The following FAM228B variants were observed in gnomAD, a reference collection of about 807,000 sequenced individuals.
The protein encoded by FAM228B is protein FAM228B.
In FAM228B, 38 loss-of-function variants were observed where a neutral mutation model predicts 42.6. The observed-to-expected ratio is 0.89, with a 90% CI of 0.69 to 1.17. The LOEUF is 1.17. Among genes scored for constraint, FAM228B ranks in the 50% most tolerant of loss-of-function variants. FAM228B has a pLI of 0.00. For missense variants in FAM228B, 344 were observed against 367.3 expected, an observed-to-expected ratio of 0.94 and a Z score of 0.52; for synonymous variants, 109 against 122.3, an observed-to-expected ratio of 0.89 and a Z score of 0.72.
chr2:24,086,264 A>G (rs1408073001), intron 2 of FAM228B, among the ~76,000 whole-genome samples: 1 of 151,780 alleles, frequency 6.6e-6, no homozygotes, highest in Non-Finnish European at 1.5e-5. Context: ...GAATTTTAGA[A>G]GGAGGAAGAG....
chr2:24,089,620 G>C (rs1203069376), intron 2 of FAM228B, among the ~76,000 whole-genome samples: 1 of 152,034 alleles, frequency 6.6e-6, no homozygotes, highest in Non-Finnish European at 1.5e-5. Context: ...GCTTGTCCCT[G>C]AGTGAGAAAT....
chr2:24,147,323 TG>T (rs1229222206), intron 7 of FAM228B, among the ~76,000 whole-genome samples: 1 of 152,118 alleles, frequency 6.6e-6, no homozygotes, highest in Non-Finnish European at 1.5e-5. Context: ...TGTTTCTCTT[TG>T]GTTTTCATTA....
chr2:24,157,096 G>A (rs1256781208), intron 7 of FAM228B, among the ~76,000 whole-genome samples: 1 of 152,178 alleles, frequency 6.6e-6, no homozygotes, highest in Non-Finnish European at 1.5e-5. Context: ...TGATTACTCA[G>A]GAGCAGGCTA....
chr2:24,153,567 T>C (rs969551759), intron 7 of FAM228B, among the ~76,000 whole-genome samples: 1 of 152,200 alleles, frequency 6.6e-6, no homozygotes, highest in Non-Finnish European at 1.5e-5. Flanking sequence ...GTATCCGAGA[T>C]GCAGGACAAA....
rs1293406586 is a variant in FAM228B at position 24,077,248 on chromosome 2, G to A, written c.-290+279G>A. 1.3e-5 allele frequency among the ~76,000 whole-genome samples: 2 copies of A among 152,058 alleles called. No individual in the cohort carries two copies. The highest frequency in any genetic ancestry group is 2.9e-5 in the Non-Finnish European group (2 of 68,002). On this transcript the variant is annotated intron_variant, in intron 1 of 10. Coordinates refer to the FAM228B transcript ENST00000613899. This position sits in a 1 kb window ranked among gnomAD's most constrained non-coding sequence, Gnocchi z 5.5. ...GCCTGGGCCTCTAGCTGTGCGCAAGGCGGAATATGTGGGGTTCTGGCGGCT... is the reference window on the plus strand; with the variant it reads ...GCCTGGGCCTCTAGCTGTGCGCAAGACGGAATATGTGGGGTTCTGGCGGCT...
intron 2 of FAM228B, among the ~76,000 whole-genome samples, chr2:24,124,918 T>C (rs567373077): frequency 1.7e-4 from 26 of 152,294 alleles, no homozygotes; most frequent in African/African-American, 6.3e-4. Context: ...CCTAGGCTGG[T>C]CCCCAACTCC....
chr2:24,088,818 G>T (rs1665319941), intron 2 of FAM228B, among the ~76,000 whole-genome samples: 1 of 152,194 alleles, frequency 6.6e-6, no homozygotes, highest in Admixed American at 6.5e-5. Context: ...ATCTTTAATG[G>T]GGGCAACCTT....
chr2:24,082,919 G>T, intron 2 of FAM228B: 1 of 1,612,436 alleles, frequency 6.2e-7, no homozygotes. Flanking sequence ...CGGTGAGCCA[G>T]GCCTCTGGGA....
upstream of FAM228B, chr2:24,122,719 G>A (rs1666160603): frequency 4.1e-6 from 2 of 488,638 alleles, no homozygotes; most frequent in South Asian, 3.9e-5. Context: ...TACCCAAAGA[G>A]GAAAACAGAA....
At chr2:24,112,515 T>C (rs1665814951) in intron 3 of FAM228B, among the ~76,000 whole-genome samples, 1 of 152,134 alleles carries the variant, frequency 6.6e-6, no homozygotes, top group Non-Finnish European at 1.5e-5. Flanking sequence ...TTGGCCAGTC[T>C]GGTCTCAAAC....
Position 24,169,227 on chromosome 2 carries a change from G to A in FAM228B, c.*15-129G>A, listed in dbSNP as rs1022445201. The stretch of plus-strand genomic sequence containing the variant: ...TAGGTGGAGACCCTGCCTGAGAGAT[G>A]AGTCACTCGGCTCTGGCAGGACAGG... On this transcript the variant is annotated intron_variant, in intron 10 of 10. Coordinates refer to ENST00000615575, the MANE Select transcript of FAM228B (RefSeq NM_001145710.2). The surrounding 1 kb of genome is among the most constrained non-coding windows in gnomAD (Gnocchi z 4.2). The A allele has an allele frequency of 3.1e-6, 1 of 327,052 alleles. No homozygotes were observed. Among genetic ancestry groups the A allele is most frequent in the African/African-American group, 2.1e-5 (1 of 47,964 alleles). The allele number at this position is 327,052 out of a possible 1,614,324, so 20.3% of individuals were successfully genotyped here.
chr2:24,079,352 A>G (rs1174700600), intron 1 of FAM228B: 8 of 1,389,946 alleles, frequency 5.8e-6, no homozygotes, highest in Non-Finnish European at 6.9e-6. Flanking sequence ...TAACCTCCGT[A>G]ATCTAAGGTA....
chr2:24,112,246 A>G (rs1665809423), intron 3 of FAM228B, among the ~76,000 whole-genome samples: 2 of 151,700 alleles, frequency 1.3e-5, no homozygotes, highest in Non-Finnish European at 2.9e-5. Flanking sequence ...TATTATGTGC[A>G]TCAAAAGAGA....
intron 7 of FAM228B, 111 bp downstream of exon 7, chr2:24,147,197 T>A (rs1666916830): frequency 1.3e-6 from 1 of 770,116 alleles, no homozygotes; most frequent in Non-Finnish European, 1.9e-6. Flanking sequence ...TTTTTCTTTT[T>A]TTTTGAGACA....
intron 7 of FAM228B, among the ~76,000 whole-genome samples, chr2:24,148,695 C>T (rs1450974912): frequency 6.6e-6 from 1 of 152,030 alleles, no homozygotes; most frequent in African/African-American, 2.4e-5. Flanking sequence ...GTATCCATCC[C>T]CTCAATGATT....
intron 2 of FAM228B, among the ~76,000 whole-genome samples, chr2:24,128,621 T>A (rs1283583417): frequency 1.3e-5 from 2 of 152,218 alleles, no homozygotes; most frequent in Non-Finnish European, 2.9e-5. Context: ...TTTGTATGCC[T>A]GATGATTTTT....
rs1193148133 is a variant in FAM228B, at chr2:24,164,382, G to A, written c.932+47G>A. On this transcript the variant is annotated intron_variant, in intron 9 of 10. Coordinates refer to ENST00000615575, the MANE Select transcript of FAM228B (RefSeq NM_001145710.2). ...TTTCATCATACATAAGGTGGCAATC[G>A]CTGATACCAAAATCTGAGCACCTGG... 1.3e-5 allele frequency: 19 copies of A among 1,509,754 alleles called. No homozygotes were observed. The East Asian group carries it at 1.5e-4, about 12-fold the overall frequency. 93.5% of individuals were successfully genotyped at this position (1,509,754 alleles called of 1,614,324 possible).
intron 3 of FAM228B, among the ~76,000 whole-genome samples, chr2:24,107,872 T>C (rs1665725899): frequency 6.6e-6 from 1 of 152,124 alleles, no homozygotes; most frequent in African/African-American, 2.4e-5. Context: ...GACCTAGGAA[T>C]GCATGAGCAA....
intron 7 of FAM228B, among the ~76,000 whole-genome samples, chr2:24,159,341 G>A (rs1170712496): frequency 2.0e-5 from 3 of 152,170 alleles, no homozygotes; most frequent in Admixed American, 6.5e-5. Flanking sequence ...CAATCGAATA[G>A]AGAAGACAGA....
Sources: gnomAD v4.1 joint callset for allele counts (sites outside exome capture counted in the v4.1 genomes callset) on GRCh38, gnomAD v4.1.1 for gene constraint, Gnocchi (gnomAD v3.1) non-coding constraint, MANE v1.5 for transcripts, NCBI Gene and HGNC (gene_info 2026-07-23, HGNC 2026-07-21) for gene names.